SLC17A1: variants seen among roughly 807,000 people sequenced by gnomAD.
SLC17A1 encodes the protein solute carrier family 17 member 1.
Under a neutral mutation model 53.5 loss-of-function variants are expected in SLC17A1, and 51 were observed. The ratio of observed to expected loss-of-function variants is 0.95; its 90% confidence interval spans 0.76 to 1.20. The LOEUF (loss-of-function observed/expected upper bound fraction) is 1.20, where lower values mean the gene tolerates loss of function less well. Ranked by LOEUF, SLC17A1 falls within the 50% of genes most tolerant of loss-of-function variation. SLC17A1 has a pLI of 0.00. For missense variants in SLC17A1, 538 were observed against 568.2 expected, an observed-to-expected ratio of 0.95 and a Z score of 0.54; for synonymous variants, 179 against 198.8, an observed-to-expected ratio of 0.90 and a Z score of 0.84.
At chr6:25,782,851 C>T (rs1293965947), downstream of SLC17A1, 3 of 152,196 alleles carry the variant, frequency 2.0e-5, no homozygotes, top group Non-Finnish European at 4.4e-5. Flanking sequence ...CTAGCTCACA[C>T]ATCTACAATG....
the SLC17A1 span, among the ~76,000 whole-genome samples, chr6:25,745,092 A>C: frequency 2.0e-5 from 3 of 152,162 alleles, no homozygotes; most frequent in Non-Finnish European, 4.4e-5. Context: ...CTCTGATCAA[A>C]CAGATAGTAA....
intron 12 of SLC17A1, among the ~76,000 whole-genome samples, chr6:25,785,707 G>A (rs13197601): frequency 0.32 from 48,269 of 151,818 alleles, 9,434 homozygotes; most frequent in South Asian, 0.45. Flanking sequence ...CAGAAGAATA[G>A]CCAATAAGCA....
chr6:25,811,412 C>T lies in SLC17A1; in HGVS notation c.1164G>A (p.Leu388=), dbSNP rs766938224. 1.2e-6 allele frequency: 2 copies of T among 1,611,054 alleles called. No individual in the cohort carries two copies. The highest frequency in any genetic ancestry group is 2.2e-5 in the East Asian group (1 of 44,840). ...ACAAATCCTACCTGGGAGCAATATCCAAGCCATTTATAAACACTCCACCCA... is the reference window on the plus strand; with the variant it reads ...ACAAATCCTACCTGGGAGCAATATCTAAGCCATTTATAAACACTCCACCCA... ...FCLGGVFING[L]DIAPRYFGFI... is the part of the protein sequence containing the mutation. The change falls in exon 10 of 13, where the codon TTG becomes TTA. Residue 388 remains leucine (L), a synonymous_variant. Transcript: ENST00000244527.
chr6:25,830,810 A>G (rs1299737686), intron 1 of SLC17A1, among the ~76,000 whole-genome samples: 1 of 152,216 alleles, frequency 6.6e-6, no homozygotes, highest in Non-Finnish European at 1.5e-5. Context: ...TATATGGAAG[A>G]CCTGAAAACT....
At chr6:25,799,177 A>AT (rs768729076) in intron 11 of SLC17A1, among the ~76,000 whole-genome samples, 2 of 152,054 alleles carry the variant, frequency 1.3e-5, no homozygotes, top group Admixed American at 6.6e-5. Flanking sequence ...TAATTAACTG[A>AT]TTTTTTTAAT....
At chr6:25,723,798 T>TG in the SLC17A1 span, among the ~76,000 whole-genome samples, 4 of 151,978 alleles carry the variant, frequency 2.6e-5, no homozygotes, top group African/African-American at 7.3e-5. Flanking sequence ...GGAAGGCTGT[T>TG]GGGGGGGAAA....
the SLC17A1 span, among the ~76,000 whole-genome samples, chr6:25,737,653 T>C: frequency 6.6e-6 from 1 of 152,138 alleles, no homozygotes; most frequent in African/African-American, 2.4e-5. Context: ...GACCATCATA[T>C]GGCACCCAAA....
At chr6:25,774,493 G>T in the SLC17A1 span, among the ~76,000 whole-genome samples, 5 of 152,302 alleles carry the variant, frequency 3.3e-5, no homozygotes, top group Admixed American at 3.3e-4. Flanking sequence ...GCATCTGCAT[G>T]CAAGCAGGCT....
intron 1 of SLC17A1, among the ~76,000 whole-genome samples, chr6:25,831,072 T>C (rs1764929032): frequency 6.6e-6 from 1 of 152,190 alleles, no homozygotes. Context: ...TTAATAGAGC[T>C]GGAAGATACT....
chr6:25,771,819 A>C, the SLC17A1 span, among the ~76,000 whole-genome samples: 1 of 151,924 alleles, frequency 6.6e-6, no homozygotes. Flanking sequence ...TGAGGTTCAG[A>C]AGTGGACATA....
At chr6:25,768,342 T>C in the SLC17A1 span, 3 of 984,230 alleles carry the variant, frequency 3.0e-6, no homozygotes, top group Non-Finnish European at 2.4e-6. Flanking sequence ...ACAGGGATAG[T>C]GGATGAATTC....
intron 10 of SLC17A1, among the ~76,000 whole-genome samples, chr6:25,810,549 T>C (rs910776874): frequency 2.0e-4 from 31 of 152,072 alleles, no homozygotes; most frequent in Middle Eastern, 3.4e-3. Context: ...AAAACCACAA[T>C]GAGATATCCC....
the SLC17A1 span, among the ~76,000 whole-genome samples, chr6:25,772,412 T>C: frequency 6.6e-6 from 1 of 152,242 alleles, no homozygotes; most frequent in South Asian, 2.1e-4. Flanking sequence ...GCAAAAAGCG[T>C]GGTGTATAGT....
chr6:25,814,154 G>A (rs1015607417), intron 6 of SLC17A1, among the ~76,000 whole-genome samples: 8 of 152,142 alleles, frequency 5.3e-5, no homozygotes, highest in African/African-American at 1.7e-4. Flanking sequence ...TTGACTGTGA[G>A]GAATTCTCTG....
chr6:25,773,814 C>G, the SLC17A1 span: 7 of 770,564 alleles, frequency 9.1e-6, 2 homozygotes, highest in South Asian at 1.5e-4. Flanking sequence ...GAAATGCAAT[C>G]TAGTTAATTT....
chr6:25,807,262 G>C (rs746756163), intron 10 of SLC17A1, among the ~76,000 whole-genome samples: 1 of 152,050 alleles, frequency 6.6e-6, no homozygotes, highest in Non-Finnish European at 1.5e-5. Context: ...ACAATTCACA[G>C]TTGCAAAGAT....
At chr6:25,731,566 T>A in the SLC17A1 span, among the ~76,000 whole-genome samples, 3 of 152,190 alleles carry the variant, frequency 2.0e-5, no homozygotes, top group Admixed American at 2.0e-4. Context: ...GGCTGTGAGA[T>A]TTTAGCTTTC....
At position 25,813,233 on chromosome 6, in the gene SLC17A1, T is replaced by C. The variant is rs746408990; in HGVS notation, c.617-20A>G. The C allele has an allele frequency of 5.6e-6, 9 of 1,593,370 alleles. No individual in the cohort carries two copies. Among genetic ancestry groups the C allele is most frequent in the Non-Finnish European group, 7.8e-6 (9 of 1,161,118 alleles). On this transcript the variant is annotated intron_variant, in intron 6 of 12. Coordinates refer to ENST00000244527, the MANE Select transcript of SLC17A1 (RefSeq NM_005074.5). ...AAGCACCTATCAAAGCAGGGTAAGT[T>C]AGAATTGGAAGTCTCTGTTTGTAGT...
At chr6:25,782,593 G>A (rs1581441054), downstream of SLC17A1, among the ~76,000 whole-genome samples, 1 of 152,052 alleles carries the variant, frequency 6.6e-6, no homozygotes, top group Non-Finnish European at 1.5e-5. Flanking sequence ...CTAAACCTAT[G>A]TATTATCTTT....
Sources: allele counts gnomAD v4.1 joint callset (sites outside exome capture counted in the v4.1 genomes callset), GRCh38; gene constraint gnomAD v4.1.1; transcripts MANE v1.5; gene names NCBI Gene and HGNC (gene_info 2026-07-23, HGNC 2026-07-21).